GAS2: variants seen among roughly 807,000 people sequenced by gnomAD.
GAS2 encodes the protein growth arrest-specific protein 2.
Under a neutral mutation model 37.5 loss-of-function variants are expected in GAS2, and 20 were observed. That is an observed-to-expected ratio of 0.53 (90% CI 0.37 to 0.77). GAS2 has a LOEUF of 0.77. Ranked by LOEUF, GAS2 falls within the 30% of genes least tolerant of loss-of-function variation. The probability of loss-of-function intolerance (pLI) is 0.00; values close to 1 mark genes in which losing one functional copy is unlikely to be tolerated. For missense variants in GAS2, 336 were observed against 373.4 expected (o/e 0.90, Z 0.82); for synonymous variants, 144 against 132.2 (o/e 1.09, Z -0.61).
intron 7 of GAS2, among the ~76,000 whole-genome samples, chr11:22,810,985 T>C (rs765857424): frequency 4.6e-5 from 7 of 152,166 alleles, no homozygotes; most frequent in Non-Finnish European, 8.8e-5. Flanking sequence ...AGCAGGGTCT[T>C]TGATGATCAT....
At chr11:22,710,413 T>G (rs1014243564) in intron 3 of GAS2, among the ~76,000 whole-genome samples, 4 of 152,004 alleles carry the variant, frequency 2.6e-5, no homozygotes, top group Non-Finnish European at 5.9e-5. Flanking sequence ...AATGATAAAT[T>G]ATGATGTCAT....
chr11:22,733,723 G>A (rs1349654898), intron 4 of GAS2, among the ~76,000 whole-genome samples: 1 of 151,506 alleles, frequency 6.6e-6, no homozygotes, highest in Non-Finnish European at 1.5e-5. Flanking sequence ...ATTTTTGAAT[G>A]GAAACCTGTG....
chr11:22,763,804 T>C (rs76154120), intron 7 of GAS2, among the ~76,000 whole-genome samples: 3,052 of 152,304 alleles, frequency 0.02, 97 homozygotes, highest in African/African-American at 0.069. Flanking sequence ...CTCTAAGCCA[T>C]AGTAAGAGAA....
chr11:22,739,524 G>C (rs1466018121), intron 5 of GAS2, among the ~76,000 whole-genome samples: 3 of 123,404 alleles, frequency 2.4e-5, no homozygotes, highest in Non-Finnish European at 4.8e-5. Context: ...AGTGAGCCTA[G>C]ATTGCACCAC....
At chr11:22,706,166 C>T (rs1224118051) in intron 3 of GAS2, among the ~76,000 whole-genome samples, 2 of 152,058 alleles carry the variant, frequency 1.3e-5, no homozygotes, top group African/African-American at 4.8e-5. Context: ...GCATGATAGA[C>T]TCCTTTAAAA....
At chr11:22,699,133 A>G (rs1590661450) in intron 3 of GAS2, among the ~76,000 whole-genome samples, 1 of 152,288 alleles carries the variant, frequency 6.6e-6, no homozygotes, top group South Asian at 2.1e-4. Context: ...CTCAACACCA[A>G]TTCCAAATAT....
At chr11:22,673,336 A>G (rs968946125) in intron 1 of GAS2, among the ~76,000 whole-genome samples, 1 of 152,210 alleles carries the variant, frequency 6.6e-6, no homozygotes, top group African/African-American at 2.4e-5. Flanking sequence ...GTTTCAAATA[A>G]TAAAACCAAA....
intron 6 of GAS2, among the ~76,000 whole-genome samples, chr11:22,749,567 C>T (rs781135418): frequency 1.3e-5 from 2 of 151,940 alleles, no homozygotes; most frequent in Non-Finnish European, 2.9e-5. Flanking sequence ...TCACCATTCC[C>T]CCTTTCACAG....
At chr11:22,810,243 G>C (rs1264108995) in intron 7 of GAS2, among the ~76,000 whole-genome samples, 2 of 152,208 alleles carry the variant, frequency 1.3e-5, no homozygotes, top group Non-Finnish European at 2.9e-5. Flanking sequence ...TAAGGAAGAG[G>C]AATTGGTCAA....
chr11:22,755,588 C>T (rs1185630061), intron 6 of GAS2: 2 of 311,284 alleles, frequency 6.4e-6, no homozygotes, highest in East Asian at 1.2e-4. Context: ...CAGTTGGTTT[C>T]CTGCTCATTA....
chr11:22,715,562 A>G (rs904295496), intron 3 of GAS2, among the ~76,000 whole-genome samples: 15 of 152,024 alleles, frequency 9.9e-5, no homozygotes, highest in African/African-American at 3.4e-4. Flanking sequence ...TAAGGCTACT[A>G]TGAACAAGTT....
intron 4 of GAS2, 21 bp from the exon 5 acceptor site, chr11:22,737,684 C>A: frequency 6.2e-7 from 1 of 1,612,772 alleles, no homozygotes; most frequent in South Asian, 1.1e-5. Flanking sequence ...TAAAGGTGTT[C>A]GCCTCTGTCT....
chr11:22,778,910 T>C (rs1783439393), intron 7 of GAS2, among the ~76,000 whole-genome samples: 1 of 152,190 alleles, frequency 6.6e-6, no homozygotes, highest in African/African-American at 2.4e-5. Flanking sequence ...TATTTATTTA[T>C]TTTTGTAAAT....
At chr11:22,774,240 C>T (rs183446375) in intron 7 of GAS2, among the ~76,000 whole-genome samples, 4 of 152,226 alleles carry the variant, frequency 2.6e-5, no homozygotes, top group African/African-American at 7.2e-5. Context: ...GTGATCGGCC[C>T]GCCTCAGCCT....
chr11:22,788,425 G>A (rs1426701712), intron 7 of GAS2, among the ~76,000 whole-genome samples: 1 of 152,088 alleles, frequency 6.6e-6, no homozygotes, highest in South Asian at 2.1e-4. Context: ...CCTGTGTATT[G>A]TAGGAGATTT....
chr11:22,696,170 C>T (rs942005073), intron 3 of GAS2, among the ~76,000 whole-genome samples: 2 of 149,154 alleles, frequency 1.3e-5, no homozygotes, highest in African/African-American at 5.0e-5. Flanking sequence ...TCAGTTCCCA[C>T]CTATGAGTGA....
At chr11:22,809,833 C>A (rs1857061304) in intron 7 of GAS2, among the ~76,000 whole-genome samples, 1 of 152,086 alleles carries the variant, frequency 6.6e-6, no homozygotes, top group Non-Finnish European at 1.5e-5. Flanking sequence ...CTATGCGACA[C>A]TTGAGCCAAT....
At chr11:22,756,962 C>T (rs1337169470) in intron 7 of GAS2, among the ~76,000 whole-genome samples, 2 of 152,082 alleles carry the variant, frequency 1.3e-5, no homozygotes, top group Admixed American at 6.6e-5. Flanking sequence ...CATGTTAGTA[C>T]ATTAAATAAT....
chr11:22,731,292 T>A (rs1466433798), intron 4 of GAS2: 6 of 431,156 alleles, frequency 1.4e-5, no homozygotes, highest in Non-Finnish European at 2.8e-5. Flanking sequence ...TTGCTTGCTA[T>A]AATTGTGTCA....
Sources: gnomAD v4.1 joint callset for allele counts (sites outside exome capture counted in the v4.1 genomes callset) on GRCh38, gnomAD v4.1.1 for gene constraint, MANE v1.5 for transcripts, NCBI Gene and HGNC (gene_info 2026-07-23, HGNC 2026-07-21) for gene names.